WDR33: variants seen among roughly 807,000 people sequenced by gnomAD.
The protein encoded by WDR33 is WD repeat domain 33, also known as pre-mRNA 3' end processing protein WDR33.
WDR33 carries 47 observed loss-of-function variants against 164.9 expected under a neutral mutation model. The observed-to-expected ratio is 0.29, with a 90% CI of 0.23 to 0.36. WDR33 has a LOEUF of 0.36. Among genes scored for constraint, WDR33 ranks in the 10% least tolerant of loss-of-function variants. WDR33 has a pLI of 1.00. For synonymous variants in WDR33, 505 were observed against 589.0 expected, an observed-to-expected ratio of 0.86 and a Z score of 2.06; for missense variants, 1,137 against 1,754.1, an observed-to-expected ratio of 0.65 and a Z score of 6.28.
Position 127,707,614 on chromosome 2 carries a change from A to G in WDR33, c.3782-1062T>C, listed in dbSNP as rs114081563. On this transcript the variant is annotated intron_variant, in intron 21 of 21. Coordinates refer to ENST00000322313, the MANE Select transcript of WDR33 (RefSeq NM_018383.5). ...TCACAGCACACTGGCTAGTAGTACA[A>G]TGTGTTTATGCAGGGTGATCTATTG... Among the ~76,000 whole-genome samples the G allele has an allele frequency of 3.7e-3, 561 of 152,314 alleles. 2 individuals are homozygous for G. Among genetic ancestry groups the G allele is most frequent in the Non-Finnish European group, 5.0e-3 (342 of 68,020 alleles).
chr2:127,762,836 G>A lies in WDR33; in HGVS notation c.724+226C>T. 3.0e-6 allele frequency: 4 copies of A among 1,347,056 alleles called. No homozygotes were observed. In the South Asian group the frequency reaches 6.6e-5, roughly 22 times the overall value. 83.4% of individuals were successfully genotyped at this position (1,347,056 alleles called of 1,614,324 possible). ...AAGCAAGTAAGGGGGAGGCACTCTT[G>A]TATTTAATTTACAGCTGAAAAATTC... On this transcript the variant is annotated intron_variant, in intron 7 of 21. Coordinates refer to ENST00000322313, the MANE Select transcript of WDR33 (RefSeq NM_018383.5).
At chr2:127,767,530 G>A (rs1053670555) in intron 4 of WDR33, among the ~76,000 whole-genome samples, 38 of 151,940 alleles carry the variant, frequency 2.5e-4, no homozygotes, top group Non-Finnish European at 3.8e-4. Context: ...TGGCTAACAC[G>A]GTGAAACCCC....
At position 127,723,036 on chromosome 2, in the gene WDR33, C is replaced by T; in HGVS notation, c.1300G>A (p.Glu434Lys). The change falls in exon 13 of 22, where the codon GAA becomes AAA. Residue 434 changes from glutamate (E) to lysine (K), a missense_variant. Around this residue, in one of 9 missense-constraint regions of WDR33, gnomAD observed 75 missense variants for 124.7 expected, o/e 0.60. Coordinates refer to ENST00000322313, the MANE Select transcript of WDR33 (RefSeq NM_018383.5). This position sits in a 1 kb window ranked among gnomAD's most constrained non-coding sequence, Gnocchi z 5.9. ...GGAATTACTGCCAGGCTATTAGGTT[C>T]GAGGTCATCTATAAATAGTAATACA... is the stretch of plus-strand genomic sequence containing the variant. ...SEDGVEYDDLEPNSLAVIPGM... is the reference protein window; with the variant it reads ...SEDGVEYDDLKPNSLAVIPGM... 6.2e-7 allele frequency: 1 copy of T among 1,609,432 alleles called. No homozygotes were observed. Among genetic ancestry groups the T allele is most frequent in the Non-Finnish European group, 8.5e-7 (1 of 1,178,644 alleles).
chr2:127,732,294 T>C (rs1396122102), intron 7 of WDR33, among the ~76,000 whole-genome samples: 1 of 151,898 alleles, frequency 6.6e-6, no homozygotes, highest in African/African-American at 2.4e-5. Flanking sequence ...TTCTATACTC[T>C]TGAACTTTTT....
chr2:127,771,797 G>T (rs1688012254), intron 1 of WDR33, among the ~76,000 whole-genome samples: 1 of 147,160 alleles, frequency 6.8e-6, no homozygotes, highest in African/African-American at 2.5e-5. Flanking sequence ...AGGAGGGAGG[G>T]AGGGAGGGAG....
At position 127,724,302 on chromosome 2, in the gene WDR33, T is replaced by A; in HGVS notation, c.1196+31A>T. 6.5e-7 allele frequency: 1 copy of A among 1,546,560 alleles called. No homozygotes were observed. Among genetic ancestry groups the A allele is most frequent in the South Asian group, 1.1e-5 (1 of 89,188 alleles). On this transcript the variant is annotated intron_variant, in intron 11 of 21. Transcript: ENST00000322313. The surrounding 1 kb of genome is among the most constrained non-coding windows in gnomAD (Gnocchi z 4.8). ...AGTATTTATTTCCTGTTGCTCCATA[T>A]AAAGCTTTGCTATTTCAATATAAAG...
At chr2:127,774,096 GGCTA>G (rs1688102675) in intron 1 of WDR33, among the ~76,000 whole-genome samples, 1 of 138,644 alleles carries the variant, frequency 7.2e-6, no homozygotes, top group Non-Finnish European at 1.5e-5. Context: ...CTGTTGCCCT[GGCTA>G]GAGTGCAGTG....
Position 127,750,650 on chromosome 2 carries a change from TAAAAAAAAAAAA to T in WDR33, c.724+12400_724+12411del, listed in dbSNP as rs1174539929. Among the ~76,000 whole-genome samples the T allele has an allele frequency of 6.1e-3, 91 of 14,950 alleles. 1 individual carries two copies. Among genetic ancestry groups the T allele is most frequent in the Middle Eastern group, 0.1 (1 of 10 alleles). The allele number at this position is 14,950 out of a possible 152,430, so 9.8% of individuals were successfully genotyped here. On this transcript the variant is annotated intron_variant, in intron 7 of 21. Coordinates refer to ENST00000322313, the MANE Select transcript of WDR33 (RefSeq NM_018383.5). ...GGGCAACAAGAGTGAAACTCCATCT[TAAAAAAAAAAAA>T]AAAAAAAAAAAAAAAATATATATAT... is the stretch of plus-strand genomic sequence containing the variant.
At chr2:127,759,957 G>GA (rs1170596714) in intron 7 of WDR33, among the ~76,000 whole-genome samples, 1 of 152,118 alleles carries the variant, frequency 6.6e-6, no homozygotes, top group African/African-American at 2.4e-5. Context: ...GCTTAAAGCT[G>GA]AAAAACTCAG....
At chr2:127,715,367 C>A (rs765861558) in intron 17 of WDR33, among the ~76,000 whole-genome samples, 1 of 152,108 alleles carries the variant, frequency 6.6e-6, no homozygotes, top group Admixed American at 6.5e-5. Context: ...TACAGGCATG[C>A]GCCACTGCAC....
At position 127,702,257 on chromosome 2, in the gene WDR33, G is replaced by A. The variant is rs1376496184; in HGVS notation, c.*4066C>T. ...GCGCCGGCCGAGCTGAGGACTGCAC[G>A]CCGCTGTGCGGAAGCCCGTGGCGAA... is the stretch of plus-strand genomic sequence containing the variant. On this transcript the variant is annotated 3_prime_UTR_variant, in exon 22 of 22. Transcript: ENST00000322313. 2 of 1,147,616 alleles carry A rather than the reference G, an allele frequency of 1.7e-6. No homozygotes were observed. The highest frequency in any genetic ancestry group is 2.2e-6 in the Non-Finnish European group (2 of 921,094). 71.1% of individuals were successfully genotyped at this position (1,147,616 alleles called of 1,614,324 possible).
rs1474086148 is a variant in WDR33, at chr2:127,718,809, AGTAGAGTT to A, written c.2760+448_2760+455del. Among the ~76,000 whole-genome samples, 3 of 152,232 alleles carry A rather than the reference AGTAGAGTT, an allele frequency of 2.0e-5. No homozygotes were observed. Among genetic ancestry groups the A allele is most frequent in the African/African-American group, 7.2e-5 (3 of 41,448 alleles). ...TAAATATCCCATCCTATCTTTTAAAAGTAGAGTTGGCAGACAGGAAGTGATTCTGTGGC... is the reference window on the plus strand; with the variant it reads ...TAAATATCCCATCCTATCTTTTAAAAGGCAGACAGGAAGTGATTCTGTGGC... On this transcript the variant is annotated intron_variant, in intron 16 of 21. Transcript: ENST00000322313. The surrounding 1 kb of genome is among the most constrained non-coding windows in gnomAD (Gnocchi z 4.4).
At chr2:127,772,891 G>C (rs936214332) in intron 1 of WDR33, among the ~76,000 whole-genome samples, 6 of 151,072 alleles carry the variant, frequency 4.0e-5, no homozygotes, top group Non-Finnish European at 7.4e-5. Flanking sequence ...GGGGGGCCAA[G>C]CAGGAGGACT....
intron 1 of WDR33, among the ~76,000 whole-genome samples, chr2:127,792,246 T>C (rs1413488034): frequency 6.6e-6 from 1 of 151,986 alleles, no homozygotes; most frequent in East Asian, 1.9e-4. Context: ...GCCATCTTAG[T>C]ATCTTAGCAG....
chr2:127,737,919 G>T, intron 7 of WDR33: 4 of 1,551,068 alleles, frequency 2.6e-6, no homozygotes, highest in South Asian at 2.5e-5. Context: ...ACTGTAATTT[G>T]AATCTATGTT....
chr2:127,704,036 A>T lies in WDR33; in HGVS notation c.*2287T>A, dbSNP rs1685955583. The T allele has an allele frequency of 6.0e-6, 1 of 166,406 alleles. No homozygotes were observed. Among genetic ancestry groups the T allele is most frequent in the South Asian group, 2.1e-4 (1 of 4,824 alleles). The allele number at this position is 166,406 out of a possible 1,614,324, so 10.3% of individuals were successfully genotyped here. ...CTTGGGGTGGGGCTGAGGTGGGAAG[A>T]TCACTTGAGCCCAGGAGGTTGAGGC... On this transcript the variant is annotated 3_prime_UTR_variant, in exon 22 of 22. Transcript: ENST00000322313.
At chr2:127,802,113 A>G (rs1044102695) in intron 1 of WDR33, among the ~76,000 whole-genome samples, 1 of 151,702 alleles carries the variant, frequency 6.6e-6, no homozygotes, top group African/African-American at 2.4e-5. Flanking sequence ...CCCAGGAGTG[A>G]GCTGAGATCA....
chr2:127,714,314 C>T lies in WDR33; in HGVS notation c.2870-293G>A, dbSNP rs1686248552. Among the ~76,000 whole-genome samples the T allele has an allele frequency of 6.6e-6, 1 of 152,204 alleles. No homozygotes were observed. The highest frequency in any genetic ancestry group is 2.4e-5 in the African/African-American group (1 of 41,450). ...ATACACTGGAAAAATGAGAGAGCCT[C>T]CTGGGCTTCAGAAGGAGCTTCCTTT... On this transcript the variant is annotated intron_variant, in intron 17 of 21. Coordinates refer to ENST00000322313, the MANE Select transcript of WDR33 (RefSeq NM_018383.5). This position sits in a 1 kb window ranked among gnomAD's most constrained non-coding sequence, Gnocchi z 4.3.
Position 127,709,586 on chromosome 2 carries a change from C to T in WDR33, c.3473-4G>A, listed in dbSNP as rs1686103673. On this transcript the variant is annotated splice_polypyrimidine_tract_variant and splice_region_variant and intron_variant, in intron 19 of 21. Transcript: ENST00000322313. The surrounding 1 kb of genome is among the most constrained non-coding windows in gnomAD (Gnocchi z 5.0). Reference sequence around the variant, plus strand: ...GGAAGTAAACCCTTCCTTCCTCCTACACAACAGAGCAAACAATGCTGCACT... The same window carrying T: ...GGAAGTAAACCCTTCCTTCCTCCTATACAACAGAGCAAACAATGCTGCACT... 1.9e-6 allele frequency: 3 copies of T among 1,613,018 alleles called. No homozygotes were observed. In the Middle Eastern group the frequency reaches 5.0e-4, roughly 266 times the overall value.
Sources: gnomAD v4.1 joint callset for allele counts (sites outside exome capture counted in the v4.1 genomes callset) on GRCh38, gnomAD v4.1.1 for gene constraint, gnomAD v4.1.1 regional missense constraint, Gnocchi (gnomAD v3.1) non-coding constraint, MANE v1.5 for transcripts, NCBI Gene and HGNC (gene_info 2026-07-23, HGNC 2026-07-21) for gene names.